The following NECTIN1 variants were observed in gnomAD, a reference collection of about 807,000 sequenced individuals.
The protein encoded by NECTIN1 is nectin-1.
A neutral mutation model predicts 48.0 loss-of-function variants in NECTIN1; 23 were observed. The observed-to-expected ratio is 0.48, with a 90% CI of 0.34 to 0.68. The LOEUF is 0.68. Ranked by LOEUF, NECTIN1 falls within the 30% of genes least tolerant of loss-of-function variation. NECTIN1 has a pLI of 0.01. For synonymous variants in NECTIN1, 270 were observed against 288.9 expected (o/e 0.93, Z 0.66); for missense variants, 591 against 709.9 (o/e 0.83, Z 1.90).
chr11:119,674,565 C>T (rs765860469), intron 5 of NECTIN1: 1 of 1,614,228 alleles, frequency 6.2e-7, no homozygotes, highest in Non-Finnish European at 8.5e-7. Flanking sequence ...GCCCATGCTC[C>T]TTTCACGTCC....
intron 1 of NECTIN1, among the ~76,000 whole-genome samples, chr11:119,721,006 A>G (rs1865819706): frequency 6.6e-6 from 1 of 152,228 alleles, no homozygotes; most frequent in African/African-American, 2.4e-5. Context: ...AACTCCCTAC[A>G]TTTGCTTTTC....
chr11:119,647,654 G>A (rs1452278108), intron 5 of NECTIN1, among the ~76,000 whole-genome samples: 1 of 152,064 alleles, frequency 6.6e-6, no homozygotes, highest in Non-Finnish European at 1.5e-5. Flanking sequence ...GGAGGGGGTG[G>A]CGGGGGGAAG....
chr11:119,647,969 C>G (rs1429798043), intron 5 of NECTIN1, among the ~76,000 whole-genome samples: 1 of 134,906 alleles, frequency 7.4e-6, no homozygotes, highest in Non-Finnish European at 1.5e-5. Flanking sequence ...GAGGCCGAGA[C>G]AAGAGAATCA....
At position 119,685,761 on chromosome 11, in the gene NECTIN1, C is replaced by G. The variant is rs1815926410; in HGVS notation, c.80-6996G>C. Among the ~76,000 whole-genome samples, 6 of 152,388 alleles carry G rather than the reference C, an allele frequency of 3.9e-5. No homozygotes were observed. In the South Asian group the frequency reaches 1.2e-3, roughly 32 times the overall value. On this transcript the variant is annotated intron_variant, in intron 1 of 5. Transcript: ENST00000264025. ...TCAAGACATCACCTCTTGGATCACT[C>G]TCCTGTACCTGCCACCTTTGCTCTG... is the stretch of plus-strand genomic sequence containing the variant.
intron 5 of NECTIN1, among the ~76,000 whole-genome samples, chr11:119,669,190 T>C (rs556082759): frequency 6.6e-5 from 10 of 152,288 alleles, no homozygotes; most frequent in African/African-American, 2.4e-4. Flanking sequence ...GGCGGACGGA[T>C]CACCTAAGGT....
rs538064047 is a variant in NECTIN1 at position 119,638,729 on chromosome 11, A to G, written c.1227+2T>C. 30 of 1,613,346 alleles carry G rather than the reference A, an allele frequency of 1.9e-5. No individual in the cohort carries two copies. In the East Asian group the frequency reaches 6.0e-4, roughly 32 times the overall value. ...CCTTGTCCTCTGCTGCCTCAGGCCC[A>G]CCTGGATATCCTCAGGCACAAGGGA... On this transcript the variant is annotated splice_donor_variant, in intron 7 of 7. Transcript: ENST00000341398. LOFTEE classifies it high-confidence loss of function.
At chr11:119,706,835 C>T (rs1304642649) in intron 1 of NECTIN1, among the ~76,000 whole-genome samples, 3 of 152,196 alleles carry the variant, frequency 2.0e-5, no homozygotes, top group Non-Finnish European at 4.4e-5. Flanking sequence ...CGTGAACTCC[C>T]TCTGGGTTTA....
intron 5 of NECTIN1, among the ~76,000 whole-genome samples, chr11:119,648,722 G>A: frequency 6.6e-6 from 1 of 152,082 alleles, no homozygotes; most frequent in Non-Finnish European, 1.5e-5. Context: ...GGCTGTGGGA[G>A]TGTCTGGGGT....
At chr11:119,714,185 C>T (rs921295932) in intron 1 of NECTIN1, among the ~76,000 whole-genome samples, 2 of 152,152 alleles carry the variant, frequency 1.3e-5, no homozygotes, top group African/African-American at 4.8e-5. Flanking sequence ...CAGCCAGGGC[C>T]TGCCTGGGGG....
intron 5 of NECTIN1, among the ~76,000 whole-genome samples, chr11:119,670,393 G>A (rs1864845393): frequency 6.6e-6 from 1 of 152,170 alleles, no homozygotes; most frequent in Non-Finnish European, 1.5e-5. Flanking sequence ...TTGTCATGTG[G>A]TCAATGTTCA....
chr11:119,680,199 C>A (rs1565389370), intron 1 of NECTIN1, among the ~76,000 whole-genome samples: 2 of 152,140 alleles, frequency 1.3e-5, no homozygotes, highest in African/African-American at 4.8e-5. Context: ...GCTTCCTTAC[C>A]CCTGAACTTG....
chr11:119,716,669 C>A (rs192454924), intron 1 of NECTIN1, among the ~76,000 whole-genome samples: 3 of 152,210 alleles, frequency 2.0e-5, no homozygotes, highest in South Asian at 2.1e-4. Flanking sequence ...CTCTAACTGG[C>A]GGCTGGGGGG....
chr11:119,708,869 A>G (rs1046918115), intron 1 of NECTIN1, among the ~76,000 whole-genome samples: 12 of 152,104 alleles, frequency 7.9e-5, no homozygotes, highest in South Asian at 2.1e-4. Context: ...AGACCTCTGC[A>G]AGCCTGCAGC....
At chr11:119,646,946 G>A (rs1443915641) in intron 5 of NECTIN1, among the ~76,000 whole-genome samples, 1 of 152,196 alleles carries the variant, frequency 6.6e-6, no homozygotes, top group Non-Finnish European at 1.5e-5. Context: ...TGCCTAGTGA[G>A]GGTTGGTTCC....
Position 119,664,634 on chromosome 11 carries a change from G to A in NECTIN1, c.*113C>T. On this transcript the variant is annotated 3_prime_UTR_variant, in exon 6 of 6. Coordinates refer to ENST00000264025, the MANE Select transcript of NECTIN1 (RefSeq NM_002855.5). ...CCCAGGAGTTCGGGGCTGGCTTTGGGCAGCTGGGCAAGTCTCTGTTCAGCT... is the reference window on the plus strand; with the variant it reads ...CCCAGGAGTTCGGGGCTGGCTTTGGACAGCTGGGCAAGTCTCTGTTCAGCT... The A allele has an allele frequency of 6.9e-7, 1 of 1,445,466 alleles. No homozygotes were observed. Among genetic ancestry groups the A allele is most frequent in the East Asian group, 2.5e-5 (1 of 39,586 alleles). 89.5% of individuals were successfully genotyped at this position (1,445,466 alleles called of 1,614,324 possible).
chr11:119,709,249 A>C lies in NECTIN1; in HGVS notation c.79+19226T>G, dbSNP rs1865596367. 6.6e-6 allele frequency among the ~76,000 whole-genome samples: 1 copy of C among 151,992 alleles called. No homozygotes were observed. Among genetic ancestry groups the C allele is most frequent in the African/African-American group, 2.4e-5 (1 of 41,374 alleles). On this transcript the variant is annotated intron_variant, in intron 1 of 5. Transcript: ENST00000264025. This position sits in a 1 kb window ranked among gnomAD's most constrained non-coding sequence, Gnocchi z 4.1. ...CAGAAAATAACACCGTGAAAACAGA[A>C]CTGTCTGTTCAGAAATAAGAGACCC...
rs1864709824 is a variant in NECTIN1 at position 119,663,674 on chromosome 11, A to G, written c.*1073T>C. On this transcript the variant is annotated 3_prime_UTR_variant, in exon 6 of 6. Transcript: ENST00000264025. ...TGCAGGTGGATCCCCCTGGGATCCCAGCCCTGACTAGCCAAAAGAACCAAG... is the reference window on the plus strand; with the variant it reads ...TGCAGGTGGATCCCCCTGGGATCCCGGCCCTGACTAGCCAAAAGAACCAAG... 1 of 985,362 alleles carries G rather than the reference A, an allele frequency of 1.0e-6. No homozygotes were observed. The highest frequency in any genetic ancestry group is 6.1e-5 in the Admixed American group (1 of 16,272). The allele number at this position is 985,362 out of a possible 1,614,324, so 61.0% of individuals were successfully genotyped here. A position where few individuals can be genotyped will look rare whatever the true frequency, so the allele number is the denominator to read the frequency against.
intron 1 of NECTIN1, among the ~76,000 whole-genome samples, chr11:119,679,371 A>T (rs1865021025): frequency 6.6e-6 from 1 of 152,168 alleles, no homozygotes; most frequent in South Asian, 2.1e-4. Context: ...GGCTGTCATC[A>T]TGGCCACCCC....
At chr11:119,674,538 C>T in intron 5 of NECTIN1, 2 of 1,614,120 alleles carry the variant, frequency 1.2e-6, no homozygotes, top group Middle Eastern at 1.7e-4. Flanking sequence ...TCCAGGGTCA[C>T]AGCTGTCTGA....
Sources: allele counts gnomAD v4.1 joint callset (sites outside exome capture counted in the v4.1 genomes callset), GRCh38; gene constraint gnomAD v4.1.1; non-coding constraint Gnocchi (gnomAD v3.1); transcripts MANE v1.5; gene names NCBI Gene and HGNC (gene_info 2026-07-23, HGNC 2026-07-21).